Variants in ADAMTS12 observed in about 807,000 individuals in gnomAD.
ADAMTS12 encodes ADAM metallopeptidase with thrombospondin type 1 motif 12, also known as A disintegrin and metalloproteinase with thrombospondin motifs 12.
Under a neutral mutation model 167.8 loss-of-function variants are expected in ADAMTS12, and 118 were observed. The ratio of observed to expected loss-of-function variants is 0.70; its 90% confidence interval spans 0.61 to 0.82. The LOEUF (loss-of-function observed/expected upper bound fraction) is 0.82, where lower values mean the gene tolerates loss of function less well. Ranked by LOEUF, ADAMTS12 falls within the 40% of genes least tolerant of loss-of-function variation. The probability of loss-of-function intolerance (pLI) is 0.00; values close to 1 mark genes in which losing one functional copy is unlikely to be tolerated. For synonymous variants in ADAMTS12, 704 were observed against 716.9 expected (o/e 0.98, Z 0.29); for missense variants, 1,916 against 1,998.8 (o/e 0.96, Z 0.79).
At chr5:33,549,103 G>A in intron 21 of ADAMTS12, 104 bp downstream of exon 21, 9 of 1,392,644 alleles carry the variant, frequency 6.5e-6, no homozygotes, top group South Asian at 2.8e-5. Flanking sequence ...TCATTGGCAG[G>A]ACACAGGTGT....
At chr5:33,672,824 C>A (rs1171844311) in intron 5 of ADAMTS12, among the ~76,000 whole-genome samples, 1 of 152,156 alleles carries the variant, frequency 6.6e-6, no homozygotes, top group East Asian at 1.9e-4. Context: ...AATGAAGAGC[C>A]CATTTCCCTG....
intron 14 of ADAMTS12, among the ~76,000 whole-genome samples, 155 bp from the exon 15 acceptor site, chr5:33,616,227 G>A (rs183798206): frequency 2.6e-5 from 4 of 152,262 alleles, no homozygotes; most frequent in African/African-American, 7.2e-5. Flanking sequence ...CTACTTATGG[G>A]GGATTTTCGA....
chr5:33,867,580 C>G (rs569836988), intron 2 of ADAMTS12, among the ~76,000 whole-genome samples: 1 of 151,878 alleles, frequency 6.6e-6, no homozygotes, highest in Non-Finnish European at 1.5e-5. Flanking sequence ...TCTATGTAAC[C>G]AAAAACTACT....
chr5:33,797,854 A>G (rs1281369186), intron 2 of ADAMTS12, among the ~76,000 whole-genome samples: 2 of 152,234 alleles, frequency 1.3e-5, no homozygotes, highest in African/African-American at 4.8e-5. Flanking sequence ...CTACACAAAC[A>G]TATACTAGCT....
At chr5:33,720,699 G>C (rs193125910) in intron 3 of ADAMTS12, among the ~76,000 whole-genome samples, 11 of 152,280 alleles carry the variant, frequency 7.2e-5, no homozygotes, top group Non-Finnish European at 7.3e-5. Flanking sequence ...AGAATCAAGG[G>C]AGACAAAATT....
rs1235220881 is a variant in ADAMTS12 at position 33,614,259 on chromosome 5, AC to A, written c.2505del (p.Glu835AspfsTer4). On this transcript the variant is annotated frameshift_variant, in exon 16 of 24. Transcript: ENST00000504830. LOFTEE classifies it high-confidence loss of function. Reference protein sequence around the residue: ...MYFWQYGHWTECSVTCGTGIR... With the variant: ...MYFWQYGHWTXCSVTCGTGIR... ...TCACCTGTCCCGCAGGTCACACTGCACTCTGTCCAGTGGCCGTACTGCCAGA... is the reference window on the plus strand; with the variant it reads ...TCACCTGTCCCGCAGGTCACACTGCATCTGTCCAGTGGCCGTACTGCCAGA... The A allele has an allele frequency of 6.2e-7, 1 of 1,613,908 alleles. No homozygotes were observed. The highest frequency in any genetic ancestry group is 1.1e-5 in the South Asian group (1 of 91,056).
rs572920827 is a variant in ADAMTS12, at chr5:33,879,761, T to A, written c.489+1358A>T. 2.0e-5 allele frequency among the ~76,000 whole-genome samples: 3 copies of A among 152,318 alleles called. No homozygotes were observed. The East Asian group carries it at 5.8e-4, about 29-fold the overall frequency. Reference sequence around the variant, plus strand: ...CCTCTGGAAAACTTAAACTGCTGGATAATGTTTTACTGAATTTTCTCACAG... The same window carrying A: ...CCTCTGGAAAACTTAAACTGCTGGAAAATGTTTTACTGAATTTTCTCACAG... On this transcript the variant is annotated intron_variant, in intron 2 of 23. Coordinates refer to ENST00000504830, the MANE Select transcript of ADAMTS12 (RefSeq NM_030955.4).
Position 33,524,810 on chromosome 5 carries a change from G to T in ADAMTS12, c.*2378C>A, listed in dbSNP as rs1437305850. 6.6e-6 allele frequency: 1 copy of T among 152,204 alleles called. No homozygotes were observed. Among genetic ancestry groups the T allele is most frequent in the Non-Finnish European group, 1.5e-5 (1 of 68,048 alleles). The allele number at this position is 152,204 out of a possible 1,614,324, so 9.4% of individuals were successfully genotyped here. A position where few individuals can be genotyped will look rare whatever the true frequency, so the allele number is the denominator to read the frequency against. ...CCAGAACAGGAAGCAAATATCCATG[G>T]CAAATAATTAGGAGCCAATGTTCTG... On this transcript the variant is annotated 3_prime_UTR_variant, in exon 24 of 24. Transcript: ENST00000504830.
chr5:33,580,937 C>T (rs1561143532), intron 18 of ADAMTS12, among the ~76,000 whole-genome samples: 1 of 152,176 alleles, frequency 6.6e-6, no homozygotes. Flanking sequence ...ATCTACTTTC[C>T]TTAGCCAGCA....
Position 33,534,882 on chromosome 5 carries a change from T to A in ADAMTS12, c.4557A>T (p.Arg1519Ser), listed in dbSNP as rs1170647960. Reference sequence around the variant, plus strand: ...GGTTGCATTTTTTGAATTCTGGAGGTCTGGGTTTGTGATCACATAGACATT... The same window carrying A: ...GGTTGCATTTTTTGAATTCTGGAGGACTGGGTTTGTGATCACATAGACATT... ...QDQCLCDHKP[R>S]PPEFKKCNQQ... Residue 1519 changes from arginine (R) to serine (S), a missense_variant, in exon 23 of 24, where the codon AGA becomes AGT. Transcript: ENST00000504830. The A allele has an allele frequency of 6.2e-7, 1 of 1,613,920 alleles. No homozygotes were observed. The highest frequency in any genetic ancestry group is 8.5e-7 in the Non-Finnish European group (1 of 1,180,006).
intron 2 of ADAMTS12, among the ~76,000 whole-genome samples, chr5:33,842,498 T>C (rs781609685): frequency 6.6e-6 from 1 of 152,244 alleles, no homozygotes; most frequent in African/African-American, 2.4e-5. Context: ...GCATAAAAGC[T>C]TTTAGAGCAA....
chr5:33,586,187 C>G (rs151205059), intron 18 of ADAMTS12, among the ~76,000 whole-genome samples: 1 of 152,068 alleles, frequency 6.6e-6, no homozygotes, highest in Non-Finnish European at 1.5e-5. Flanking sequence ...ATAAATACTG[C>G]CTGCCAAGAA....
chr5:33,669,456 T>C (rs1033225780), intron 5 of ADAMTS12, among the ~76,000 whole-genome samples: 3 of 152,162 alleles, frequency 2.0e-5, no homozygotes, highest in African/African-American at 7.2e-5. Context: ...AAGCATCATG[T>C]AGGATATGTC....
chr5:33,785,723 TA>T (rs1209544052), intron 2 of ADAMTS12, among the ~76,000 whole-genome samples: 1 of 152,214 alleles, frequency 6.6e-6, no homozygotes, highest in African/African-American at 2.4e-5. Flanking sequence ...GTTGAAAATG[TA>T]AAATGGTACA....
intron 17 of ADAMTS12, among the ~76,000 whole-genome samples, chr5:33,595,559 G>C (rs1747881675): frequency 1.3e-5 from 2 of 152,210 alleles, no homozygotes; most frequent in African/African-American, 2.4e-5. Flanking sequence ...TGGGCACTGT[G>C]ATCGGAAGGT....
rs574146049 is a variant in ADAMTS12, at chr5:33,744,197, C to G, written c.634+7207G>C. Among the ~76,000 whole-genome samples, 11 of 152,252 alleles carry G rather than the reference C, an allele frequency of 7.2e-5. No individual in the cohort carries two copies. In the South Asian group the frequency reaches 2.1e-3, roughly 29 times the overall value. ...GGGAAAGACATAGGCAGATACTCATCATATGATAGAGCCTGTGGTAGGGTA... is the reference window on the plus strand; with the variant it reads ...GGGAAAGACATAGGCAGATACTCATGATATGATAGAGCCTGTGGTAGGGTA... On this transcript the variant is annotated intron_variant, in intron 3 of 23. Coordinates refer to ENST00000504830, the MANE Select transcript of ADAMTS12 (RefSeq NM_030955.4).
chr5:33,792,255 C>T (rs1746604323), intron 2 of ADAMTS12, among the ~76,000 whole-genome samples: 1 of 152,160 alleles, frequency 6.6e-6, no homozygotes, highest in Non-Finnish European at 1.5e-5. Context: ...CTCGGCATCC[C>T]AAAGTACTGG....
chr5:33,584,255 T>A lies in ADAMTS12; in HGVS notation c.2865+4344A>T, dbSNP rs188935777. Among the ~76,000 whole-genome samples the A allele has an allele frequency of 1.5e-3, 236 of 152,330 alleles. 1 individual carries two copies. Among genetic ancestry groups the A allele is most frequent in the African/African-American group, 5.5e-3 (229 of 41,568 alleles). On this transcript the variant is annotated intron_variant, in intron 18 of 23. Coordinates refer to ENST00000504830, the MANE Select transcript of ADAMTS12 (RefSeq NM_030955.4). ...TAATAGATACATACATAATACATAG[T>A]AATAATACATACAAAATGCTTGGTA...
Position 33,675,664 on chromosome 5 carries a change from A to C in ADAMTS12, c.915+7354T>G, listed in dbSNP as rs530214757. ...ATCTGCAATATGTGACATTTAACACAAATTCAGTGACAGTGTCTTTTCTAT... is the reference window on the plus strand; with the variant it reads ...ATCTGCAATATGTGACATTTAACACCAATTCAGTGACAGTGTCTTTTCTAT... On this transcript the variant is annotated intron_variant, in intron 5 of 23. Transcript: ENST00000504830. 1.1e-4 allele frequency among the ~76,000 whole-genome samples: 17 copies of C among 152,324 alleles called. No individual in the cohort carries two copies. In the East Asian group the frequency reaches 3.1e-3, roughly 28 times the overall value.
Sources: allele counts gnomAD v4.1 joint callset (sites outside exome capture counted in the v4.1 genomes callset), GRCh38; gene constraint gnomAD v4.1.1; transcripts MANE v1.5; gene names NCBI Gene and HGNC (gene_info 2026-07-23, HGNC 2026-07-21).